The following ADAMTS12 variants were observed in gnomAD, a reference collection of about 807,000 sequenced individuals.
ADAMTS12 encodes ADAM metallopeptidase with thrombospondin type 1 motif 12.
ADAMTS12 carries 118 observed loss-of-function variants against 167.8 expected under a neutral mutation model. That is an observed-to-expected ratio of 0.70 (90% CI 0.61 to 0.82). ADAMTS12 has a LOEUF of 0.82. Among genes scored for constraint, ADAMTS12 ranks in the 40% least tolerant of loss-of-function variants. The pLI, the probability that ADAMTS12 is intolerant of heterozygous loss-of-function variation, is 0.00. For missense variants in ADAMTS12, 1,916 were observed against 1,998.8 expected (o/e 0.96, Z 0.79); for synonymous variants, 704 against 716.9 (o/e 0.98, Z 0.29).
At chr5:33,569,245 G>A (rs187546413) in intron 19 of ADAMTS12, among the ~76,000 whole-genome samples, 66 of 152,324 alleles carry the variant, frequency 4.3e-4, no homozygotes, top group African/African-American at 1.4e-3. Flanking sequence ...GAGAGCCGTC[G>A]TTCTCCCAGC....
chr5:33,825,750 AT>A (rs1197430109), intron 2 of ADAMTS12, among the ~76,000 whole-genome samples: 7 of 152,218 alleles, frequency 4.6e-5, no homozygotes, highest in African/African-American at 1.7e-4. Flanking sequence ...ATAATCCATT[AT>A]ACAAAAACTC....
At chr5:33,838,010 A>AT (rs5867218) in intron 2 of ADAMTS12, among the ~76,000 whole-genome samples, 8,799 of 150,898 alleles carry the variant, frequency 0.058, 583 homozygotes, top group East Asian at 0.2. Flanking sequence ...CAGCTCTCAT[A>AT]TTTTTTTTTA....
chr5:33,556,770 A>G (rs1745503945), intron 20 of ADAMTS12, among the ~76,000 whole-genome samples: 1 of 152,218 alleles, frequency 6.6e-6, no homozygotes, highest in African/African-American at 2.4e-5. Context: ...ACTCATGCCC[A>G]GAGAGAAAGA....
At chr5:33,529,572 T>C (rs1197238000) in intron 23 of ADAMTS12, among the ~76,000 whole-genome samples, 3 of 152,190 alleles carry the variant, frequency 2.0e-5, no homozygotes, top group Admixed American at 2.0e-4. Context: ...ATGGAAATAA[T>C]AGCCTCTCCA....
At chr5:33,548,955 C>T in intron 21 of ADAMTS12, among the ~76,000 whole-genome samples, 1 of 152,146 alleles carries the variant, frequency 6.6e-6, no homozygotes, top group Non-Finnish European at 1.5e-5. Flanking sequence ...ATTGGGAGAC[C>T]AGGTTGCAAC....
intron 2 of ADAMTS12, among the ~76,000 whole-genome samples, chr5:33,763,386 G>A (rs574188068): frequency 6.6e-6 from 1 of 152,126 alleles, no homozygotes; most frequent in Non-Finnish European, 1.5e-5. Flanking sequence ...AGGAGCCAAG[G>A]TGACCTCTAG....
intron 2 of ADAMTS12, among the ~76,000 whole-genome samples, chr5:33,788,462 G>T (rs1357288471): frequency 6.6e-6 from 1 of 152,094 alleles, no homozygotes; most frequent in Non-Finnish European, 1.5e-5. Context: ...AAAAGAAGGG[G>T]AGAGAGAAAA....
chr5:33,867,463 G>C (rs1313602553), intron 2 of ADAMTS12, among the ~76,000 whole-genome samples: 1 of 152,036 alleles, frequency 6.6e-6, no homozygotes, highest in Non-Finnish European at 1.5e-5. Context: ...CTCAGAAGTG[G>C]GAGGTTGGAA....
At chr5:33,630,189 C>T (rs887471859) in intron 13 of ADAMTS12, among the ~76,000 whole-genome samples, 3 of 152,174 alleles carry the variant, frequency 2.0e-5, no homozygotes, top group Non-Finnish European at 2.9e-5. Context: ...AAGTCCTGCT[C>T]CTCAGTTCCT....
chr5:33,549,708 C>T (rs994115328), intron 20 of ADAMTS12, among the ~76,000 whole-genome samples: 4 of 152,216 alleles, frequency 2.6e-5, no homozygotes, highest in Non-Finnish European at 4.4e-5. Flanking sequence ...GATTATAGAC[C>T]CTGGGGCTGG....
chr5:33,814,944 G>A (rs1405785760), intron 2 of ADAMTS12, among the ~76,000 whole-genome samples: 1 of 152,180 alleles, frequency 6.6e-6, no homozygotes, highest in Non-Finnish European at 1.5e-5. Flanking sequence ...AATAGGAAAA[G>A]GAGTAATGAG....
intron 11 of ADAMTS12, among the ~76,000 whole-genome samples, chr5:33,639,176 C>T (rs1740337997): frequency 6.6e-6 from 1 of 152,118 alleles, no homozygotes; most frequent in African/African-American, 2.4e-5. Flanking sequence ...AGTAGAGTAA[C>T]TAACACAGAA....
chr5:33,835,427 T>C (rs1039722121), intron 2 of ADAMTS12, among the ~76,000 whole-genome samples: 14 of 152,224 alleles, frequency 9.2e-5, no homozygotes, highest in African/African-American at 2.7e-4. Context: ...CAGGCTGCTA[T>C]AGGAAAATGC....
intron 1 of ADAMTS12, among the ~76,000 whole-genome samples, chr5:33,890,689 G>A (rs996201941): frequency 1.3e-5 from 2 of 152,178 alleles, no homozygotes; most frequent in African/African-American, 4.8e-5. Flanking sequence ...CTCTGTGTGC[G>A]TGTGCATGCG....
intron 2 of ADAMTS12, among the ~76,000 whole-genome samples, chr5:33,846,094 G>A (rs1409873541): frequency 6.6e-6 from 1 of 152,168 alleles, no homozygotes; most frequent in Admixed American, 6.5e-5. Context: ...TGTATCATGT[G>A]CACAATCTGA....
intron 3 of ADAMTS12, among the ~76,000 whole-genome samples, chr5:33,687,290 A>G (rs1258722987): frequency 1.3e-5 from 2 of 152,200 alleles, no homozygotes; most frequent in Non-Finnish European, 2.9e-5. Context: ...TACTAAGCAC[A>G]TAGCACCATA....
chr5:33,873,620 A>C (rs935749998), intron 2 of ADAMTS12, among the ~76,000 whole-genome samples: 1 of 152,194 alleles, frequency 6.6e-6, no homozygotes, highest in Admixed American at 6.5e-5. Context: ...ACAGAATGCA[A>C]GGAGAAGTGG....
intron 14 of ADAMTS12, among the ~76,000 whole-genome samples, chr5:33,622,352 A>G (rs1739379058): frequency 6.6e-6 from 1 of 152,184 alleles, no homozygotes; most frequent in African/African-American, 2.4e-5. Flanking sequence ...GAACTCATAA[A>G]GAAAATTAAA....
chr5:33,831,861 T>G (rs1049996233), intron 2 of ADAMTS12, among the ~76,000 whole-genome samples: 2 of 152,350 alleles, frequency 1.3e-5, no homozygotes, highest in South Asian at 4.1e-4. Context: ...AGCCCTGCTC[T>G]ATGGCCGAGG....
Sources: gnomAD v4.1 joint callset for allele counts (sites outside exome capture counted in the v4.1 genomes callset) on GRCh38, gnomAD v4.1.1 for gene constraint, MANE v1.5 for transcripts, NCBI Gene and HGNC (gene_info 2026-07-23, HGNC 2026-07-21) for gene names.